The following GRIP1 variants were observed in gnomAD, a reference collection of about 807,000 sequenced individuals.
GRIP1 encodes the protein glutamate receptor-interacting protein 1.
In GRIP1, 45 loss-of-function variants were observed where a neutral mutation model predicts 129.9. The observed-to-expected ratio is 0.35, with a 90% CI of 0.27 to 0.44. The LOEUF (loss-of-function observed/expected upper bound fraction) is 0.44. Among genes scored for constraint, GRIP1 ranks in the 20% least tolerant of loss-of-function variants. The pLI is 1.00. For missense variants in GRIP1, 1,196 were observed against 1,396.8 expected, an observed-to-expected ratio of 0.86 and a Z score of 2.29; for synonymous variants, 530 against 520.8, an observed-to-expected ratio of 1.02 and a Z score of -0.24.
intron 1 of GRIP1, among the ~76,000 whole-genome samples, chr12:66,677,337 T>G (rs2034382920): frequency 1.3e-5 from 2 of 152,178 alleles, no homozygotes; most frequent in Non-Finnish European, 1.5e-5. Flanking sequence ...ATAAAAGAAC[T>G]GATACAGATG....
chr12:66,619,036 C>A (rs1441560531), intron 1 of GRIP1, among the ~76,000 whole-genome samples: 1 of 152,114 alleles, frequency 6.6e-6, no homozygotes, highest in African/African-American at 2.4e-5. Flanking sequence ...AACAACGTTT[C>A]CTTCAAGCTT....
At chr12:66,465,491 T>A (rs2059261876) in intron 7 of GRIP1, 69 bp from the exon 8 acceptor site, 1 of 1,345,834 alleles carries the variant, frequency 7.4e-7, no homozygotes, top group South Asian at 1.2e-5. Context: ...AAGAAAGAGA[T>A]GAAGAATATT....
intron 4 of GRIP1, among the ~76,000 whole-genome samples, chr12:66,530,127 A>G (rs1001694807): frequency 2.6e-5 from 4 of 152,228 alleles, no homozygotes; most frequent in African/African-American, 9.6e-5. Flanking sequence ...TATAGATACA[A>G]GTGGAAACAA....
At chr12:66,600,942 T>C (rs1035611305) in intron 1 of GRIP1, among the ~76,000 whole-genome samples, 2 of 152,172 alleles carry the variant, frequency 1.3e-5, no homozygotes, top group African/African-American at 4.8e-5. Flanking sequence ...TCTTAGCAGC[T>C]AGGTAATCAC....
At chr12:66,980,454 T>C (rs548394924) in intron 1 of GRIP1, among the ~76,000 whole-genome samples, 30 of 151,974 alleles carry the variant, frequency 2.0e-4, no homozygotes, top group African/African-American at 6.5e-4. Context: ...CTACTAAAAA[T>C]ACAAAAATTA....
chr12:66,409,270 G>A (rs1012167320), intron 15 of GRIP1, among the ~76,000 whole-genome samples: 4 of 152,214 alleles, frequency 2.6e-5, no homozygotes, highest in Non-Finnish European at 4.4e-5. Flanking sequence ...TCTCAGTGGT[G>A]GTGACCAAGG....
intron 5 of GRIP1, among the ~76,000 whole-genome samples, chr12:66,526,076 G>A (rs1319378969): frequency 2.0e-5 from 3 of 152,082 alleles, no homozygotes; most frequent in Non-Finnish European, 2.9e-5. Context: ...TCGATAGGAA[G>A]AATCAACGTG....
intron 1 of GRIP1, among the ~76,000 whole-genome samples, chr12:66,935,634 A>G (rs2041470924): frequency 6.6e-6 from 1 of 152,216 alleles, no homozygotes; most frequent in African/African-American, 2.4e-5. Context: ...TGAATGATTC[A>G]CAAATTGGGC....
intron 19 of GRIP1, among the ~76,000 whole-genome samples, chr12:66,390,031 G>A (rs7962153): frequency 0.97 from 147,261 of 152,270 alleles, 71,352 homozygotes; most frequent in Non-Finnish European, 1. Context: ...GGGTATAGCC[G>A]GGACTATTAG....
intron 1 of GRIP1, among the ~76,000 whole-genome samples, chr12:67,036,021 T>G (rs1426620450): frequency 1.3e-5 from 2 of 152,026 alleles, no homozygotes; most frequent in Non-Finnish European, 2.9e-5. Context: ...CACTGGAAGG[T>G]TGATGTAAAT....
chr12:66,524,037 T>G (rs1432766421), intron 5 of GRIP1, among the ~76,000 whole-genome samples: 5 of 152,130 alleles, frequency 3.3e-5, no homozygotes, highest in African/African-American at 4.8e-5. Flanking sequence ...AGCAAGTCCT[T>G]AGTGACCTAC....
chr12:66,523,804 C>T (rs950518040), intron 5 of GRIP1, among the ~76,000 whole-genome samples: 5 of 151,370 alleles, frequency 3.3e-5, no homozygotes, highest in Admixed American at 6.6e-5. Flanking sequence ...CAGAGACACA[C>T]ATAGGCTCAA....
chr12:66,938,392 A>G (rs1286843273), intron 1 of GRIP1, among the ~76,000 whole-genome samples: 1 of 152,152 alleles, frequency 6.6e-6, no homozygotes, highest in Non-Finnish European at 1.5e-5. Context: ...TAATAATGAT[A>G]ATAATAATTT....
chr12:66,773,603 C>T lies in GRIP1; in HGVS notation c.-420+30450G>A, dbSNP rs188030304. On this transcript the variant is annotated intron_variant, in intron 1 of 4. Transcript: ENST00000538373. ...TGATAGCATTAGGAGAAATACCTAA[C>T]GTAGATGATGGGTTGATAGGTGCAG... 3.1e-3 allele frequency among the ~76,000 whole-genome samples: 473 copies of T among 152,120 alleles called. 1 individual carries two copies. The highest frequency in any genetic ancestry group is 4.7e-3 in the Non-Finnish European group (319 of 67,990).
At chr12:66,676,521 A>T (rs2034341322) in intron 1 of GRIP1, among the ~76,000 whole-genome samples, 1 of 152,184 alleles carries the variant, frequency 6.6e-6, no homozygotes, top group African/African-American at 2.4e-5. Flanking sequence ...CAGAAGATTT[A>T]AATGCCCTAC....
intron 1 of GRIP1, among the ~76,000 whole-genome samples, chr12:66,731,002 A>G (rs2036419945): frequency 6.6e-6 from 1 of 152,130 alleles, no homozygotes; most frequent in East Asian, 1.9e-4. Context: ...TGTTTTTATC[A>G]TTGTTGGTTA....
rs1336015374 is a variant in GRIP1 at position 66,581,881 on chromosome 12, G to A, written c.136+14966C>T. Among the ~76,000 whole-genome samples the A allele has an allele frequency of 4.6e-5, 7 of 152,088 alleles. No homozygotes were observed. The East Asian group carries it at 1.3e-3, about 29-fold the overall frequency. ...AAGTATTCCAATCAATAGAAAAAGA[G>A]GGAATCCTCCCTAACTCATTTTATG... On this transcript the variant is annotated intron_variant, in intron 2 of 24. Coordinates refer to ENST00000359742, the MANE Select transcript of GRIP1 (RefSeq NM_001366722.1).
At chr12:66,612,995 G>A (rs1406974674) in intron 1 of GRIP1, among the ~76,000 whole-genome samples, 1 of 152,172 alleles carries the variant, frequency 6.6e-6, no homozygotes, top group Admixed American at 6.5e-5. Flanking sequence ...CACATGTAAT[G>A]ATTTGAATTA....
intron 1 of GRIP1, among the ~76,000 whole-genome samples, chr12:67,047,407 A>C (rs540956494): frequency 2.0e-4 from 31 of 152,226 alleles, no homozygotes; most frequent in African/African-American, 7.0e-4. Context: ...TTTCCTTTCA[A>C]TCTTTTTTCT....
Sources: gnomAD v4.1 joint callset for allele counts (sites outside exome capture counted in the v4.1 genomes callset) on GRCh38, gnomAD v4.1.1 for gene constraint, MANE v1.5 for transcripts, NCBI Gene and HGNC (gene_info 2026-07-23, HGNC 2026-07-21) for gene names.